SCARB1: variants seen among roughly 807,000 people sequenced by gnomAD.
SCARB1 encodes CD36 and LIMPII analogous 1.
A neutral mutation model predicts 57.2 loss-of-function variants in SCARB1; 30 were observed. The ratio of observed to expected loss-of-function variants is 0.52; its 90% confidence interval spans 0.39 to 0.71. SCARB1 has a LOEUF of 0.71. Among genes scored for constraint, SCARB1 ranks in the 30% least tolerant of loss-of-function variants. SCARB1 has a pLI of 0.00. For missense variants in SCARB1, 543 were observed against 671.2 expected, an observed-to-expected ratio of 0.81 and a Z score of 2.11; for synonymous variants, 249 against 268.3, an observed-to-expected ratio of 0.93 and a Z score of 0.70.
chr12:124,859,343 C>T (rs1172228264), intron 1 of SCARB1, among the ~76,000 whole-genome samples: 2 of 152,018 alleles, frequency 1.3e-5, no homozygotes, highest in African/African-American at 4.8e-5. Flanking sequence ...CCGGCTAACA[C>T]GGTGAAACCC....
chr12:124,850,694 A>AAGTAAATAC (rs1952357843), intron 1 of SCARB1, among the ~76,000 whole-genome samples: 1 of 152,224 alleles, frequency 6.6e-6, no homozygotes, highest in African/African-American at 2.4e-5. Context: ...AAGTAAATAT[A>AAGTAAATAC]AGTAAATACA....
chr12:124,852,031 G>A (rs1194411265), intron 1 of SCARB1, among the ~76,000 whole-genome samples: 1 of 152,144 alleles, frequency 6.6e-6, no homozygotes, highest in Non-Finnish European at 1.5e-5. Flanking sequence ...GACACCTGAT[G>A]GGACCAAGAT....
At chr12:124,839,633 C>T (rs1430007999) in intron 1 of SCARB1, 1 of 985,330 alleles carries the variant, frequency 1.0e-6, no homozygotes, top group Non-Finnish European at 1.2e-6. Flanking sequence ...AGCAGCTGCA[C>T]CATCCTACAT....
intron 1 of SCARB1, among the ~76,000 whole-genome samples, chr12:124,848,127 A>G (rs1163309811): frequency 1.3e-5 from 2 of 152,230 alleles, no homozygotes; most frequent in Non-Finnish European, 2.9e-5. Context: ...TCTGTCGCCC[A>G]GGCTGGAGTG....
At chr12:124,802,834 C>A (rs838910) in intron 7 of SCARB1, among the ~76,000 whole-genome samples, 10,945 of 152,156 alleles carry the variant, frequency 0.072, 1,319 homozygotes, top group African/African-American at 0.25. Context: ...TTGTCTGAGT[C>A]CAACAGATTT....
chr12:124,818,829 T>A (rs1185694315), intron 1 of SCARB1, among the ~76,000 whole-genome samples: 7 of 152,226 alleles, frequency 4.6e-5, no homozygotes, highest in East Asian at 3.9e-4. Flanking sequence ...TTTTAGTTTT[T>A]GTTTTTGTTT....
chr12:124,795,424 G>T (rs561883836), intron 8 of SCARB1, among the ~76,000 whole-genome samples, 156 bp from the exon 9 acceptor site: 2 of 152,250 alleles, frequency 1.3e-5, no homozygotes, highest in South Asian at 2.1e-4. Context: ...CACAGGCTGG[G>T]GGGGGTCAAC....
chr12:124,814,171 A>C lies in SCARB1; in HGVS notation c.630+31T>G. ...GAGGGGAAGACAGGACACAGGCCTGAATCTTTGGCTTCTCACCAGGCCACA... is the reference window on the plus strand; with the variant it reads ...GAGGGGAAGACAGGACACAGGCCTGCATCTTTGGCTTCTCACCAGGCCACA... On this transcript the variant is annotated intron_variant, in intron 4 of 12. Transcript: ENST00000261693. The surrounding 1 kb of genome is among the most constrained non-coding windows in gnomAD (Gnocchi z 4.7). The C allele has an allele frequency of 6.2e-7, 1 of 1,601,492 alleles. No individual in the cohort carries two copies. The highest frequency in any genetic ancestry group is 8.6e-7 in the Non-Finnish European group (1 of 1,168,664).
At chr12:124,831,443 T>A (rs11057838) in intron 1 of SCARB1, among the ~76,000 whole-genome samples, 3 of 151,876 alleles carry the variant, frequency 2.0e-5, no homozygotes, top group Non-Finnish European at 4.4e-5. Flanking sequence ...TGATCCAGGG[T>A]TGGGTACTCT....
At chr12:124,781,101 GTCAGAC>G (rs1463523062) in intron 12 of SCARB1, among the ~76,000 whole-genome samples, 1 of 152,164 alleles carries the variant, frequency 6.6e-6, no homozygotes, top group Non-Finnish European at 1.5e-5. Context: ...CCCCAACATG[GTCAGAC>G]TCCACCCCCT....
intron 1 of SCARB1, among the ~76,000 whole-genome samples, chr12:124,860,331 T>C (rs1952841101): frequency 6.6e-6 from 1 of 152,254 alleles, no homozygotes; most frequent in African/African-American, 2.4e-5. Context: ...GGGAAAAAGA[T>C]GTCAACTAGT....
chr12:124,832,937 C>G (rs1442535872), intron 1 of SCARB1, among the ~76,000 whole-genome samples: 1 of 151,840 alleles, frequency 6.6e-6, no homozygotes, highest in Non-Finnish European at 1.5e-5. Context: ...CTGGGACTGC[C>G]CCTGAGATGG....
chr12:124,779,068 G>T (rs572315514), intron 12 of SCARB1, among the ~76,000 whole-genome samples: 2 of 151,898 alleles, frequency 1.3e-5, no homozygotes, highest in South Asian at 4.2e-4. Flanking sequence ...CTCCCACCTC[G>T]GCCTCCCAAG....
At chr12:124,806,823 G>A (rs1418778629) in intron 7 of SCARB1, among the ~76,000 whole-genome samples, 1 of 152,118 alleles carries the variant, frequency 6.6e-6, no homozygotes, top group East Asian at 1.9e-4. Flanking sequence ...GATCGCTTGA[G>A]CCCATGAGGT....
At chr12:124,853,788 A>G (rs1277607767) in intron 1 of SCARB1, among the ~76,000 whole-genome samples, 1 of 151,980 alleles carries the variant, frequency 6.6e-6, no homozygotes, top group Non-Finnish European at 1.5e-5. Context: ...CCATGATGAC[A>G]CTCCAGCATC....
chr12:124,822,558 G>T lies in SCARB1; in HGVS notation c.127-4851C>A, dbSNP rs1482065567. Among the ~76,000 whole-genome samples, 3 of 152,222 alleles carry T rather than the reference G, an allele frequency of 2.0e-5. No homozygotes were observed. Among genetic ancestry groups the T allele is most frequent in the Admixed American group, 1.3e-4 (2 of 15,282 alleles). On this transcript the variant is annotated intron_variant, in intron 1 of 12. Transcript: ENST00000261693. The surrounding 1 kb of genome is among the most constrained non-coding windows in gnomAD (Gnocchi z 5.0). ...TGGCCCAGCTATCTTGATTTTGGTT[G>T]CCATATAGGTGAAGTGTATACATCT...
intron 1 of SCARB1, among the ~76,000 whole-genome samples, chr12:124,859,903 T>C (rs937364919): frequency 6.6e-6 from 1 of 152,024 alleles, no homozygotes; most frequent in African/African-American, 2.4e-5. Flanking sequence ...ATTAGTAATG[T>C]GTTTTTATGG....
chr12:124,808,623 C>T (rs1404763402), intron 6 of SCARB1, among the ~76,000 whole-genome samples: 1 of 152,162 alleles, frequency 6.6e-6, no homozygotes, highest in Admixed American at 6.5e-5. Context: ...GCAGCACCGT[C>T]CCCCACACCC....
Position 124,778,481 on chromosome 12 carries a change from TG to T in SCARB1, c.*105del, listed in dbSNP as rs1370859763. On this transcript the variant is annotated 3_prime_UTR_variant, in exon 13 of 13. Transcript: ENST00000261693. ...AGCTGGGAGGCTCAGGCTGTGGGGCTGGGGGGCTGTCCGCTGGGAGAGTCCG... is the reference window on the plus strand; with the variant it reads ...AGCTGGGAGGCTCAGGCTGTGGGGCTGGGGGCTGTCCGCTGGGAGAGTCCG... 7 of 1,325,530 alleles carry T rather than the reference TG, an allele frequency of 5.3e-6. No homozygotes were observed. Among genetic ancestry groups the T allele is most frequent in the South Asian group, 4.3e-5 (2 of 46,558 alleles). The allele number at this position is 1,325,530 out of a possible 1,614,324, so 82.1% of individuals were successfully genotyped here.
Sources: gnomAD v4.1 joint callset for allele counts (sites outside exome capture counted in the v4.1 genomes callset) on GRCh38, gnomAD v4.1.1 for gene constraint, Gnocchi (gnomAD v3.1) non-coding constraint, MANE v1.5 for transcripts, NCBI Gene and HGNC (gene_info 2026-07-23, HGNC 2026-07-21) for gene names.